Variants in CCL3 observed in about 807,000 individuals in gnomAD.
CCL3 encodes the protein C-C motif chemokine 3.
A neutral mutation model predicts 8.1 loss-of-function variants in CCL3; 6 were observed. That is an observed-to-expected ratio of 0.74 (90% CI 0.41 to 1.46). The LOEUF is 1.46. CCL3 is among the 40% of genes most tolerant of loss of function. The pLI is 0.02. For missense variants in CCL3, 109 were observed against 117.7 expected, an observed-to-expected ratio of 0.93 and a Z score of 0.34; for synonymous variants, 45 against 45.1, an observed-to-expected ratio of 1.00 and a Z score of 0.01.
rs1453258813 is a variant in CCL3, at chr17:36,089,283, G to T, written c.88C>A (p.Pro30Thr). ...GTGTAGCTGAAGCAGCAGGCGGTCGGCGTGTCAGCAGCAACTGTGGAGAAA... is the reference window on the plus strand; with the variant it reads ...GTGTAGCTGAAGCAGCAGGCGGTCGTCGTGTCAGCAGCAACTGTGGAGAAA... ...QFSASLAADT[P>T]TACCFSYTSR... The change falls in exon 2 of 3, where the codon CCG becomes ACG. Residue 30 changes from proline (P) to threonine (T), a missense_variant. Physicochemically the swap from Pro to Thr is conservative, Grantham distance 38. Transcript: ENST00000613922. 1 of 1,614,100 alleles carries T rather than the reference G, an allele frequency of 6.2e-7. No homozygotes were observed. Among genetic ancestry groups the T allele is most frequent in the Non-Finnish European group, 8.5e-7 (1 of 1,180,012 alleles).
Position 36,089,270 on chromosome 17 carries a change from C to G in CCL3, c.101G>C (p.Cys34Ser), listed in dbSNP as rs190805628. ...AATCTGCCGGGAGGTGTAGCTGAAG[C>G]AGCAGGCGGTCGGCGTGTCAGCAGC... ...SLAADTPTAC[C>S]FSYTSRQIPQ... The change falls in exon 2 of 3, where the codon TGC becomes TCC. Residue 34 changes from cysteine to serine, a missense_variant. By Grantham distance (112) the Cys-to-Ser change is moderately radical. Transcript: ENST00000613922. The G allele has an allele frequency of 6.2e-7, 1 of 1,614,048 alleles. No individual in the cohort carries two copies. Among genetic ancestry groups the G allele is most frequent in the East Asian group, 2.2e-5 (1 of 44,872 alleles).
Position 36,090,063 on chromosome 17 carries a change from C to A in CCL3, c.-5G>T. The A allele has an allele frequency of 1.2e-6, 2 of 1,612,948 alleles. No individual in the cohort carries two copies. Among genetic ancestry groups the A allele is most frequent in the South Asian group, 1.1e-5 (1 of 91,016 alleles). On this transcript the variant is annotated 5_prime_UTR_variant, in exon 1 of 3. Transcript: ENST00000613922. ...GGCAGCAGTGGAGACCTGCATGATTCTGAGCAGGTGACGGAATGTGGGCTC... is the reference window on the plus strand; with the variant it reads ...GGCAGCAGTGGAGACCTGCATGATTATGAGCAGGTGACGGAATGTGGGCTC...
At position 36,088,435 on chromosome 17, in the gene CCL3, A is replaced by C; in HGVS notation, c.*237T>G. 3.7e-6 allele frequency: 2 copies of C among 540,472 alleles called. No individual in the cohort carries two copies. Among genetic ancestry groups the C allele is most frequent in the African/African-American group, 1.9e-5 (1 of 52,502 alleles). The allele number at this position is 540,472 out of a possible 1,614,324, so 33.5% of individuals were successfully genotyped here. On this transcript the variant is annotated 3_prime_UTR_variant, in exon 3 of 3. Coordinates refer to ENST00000613922, the MANE Select transcript of CCL3 (RefSeq NM_002983.3). ...GAGGGAAGGGGGAGGGGACAGGGGA[A>C]CTCTCAGAGCAAACAATCACAAACA...
chr17:36,089,323 C>T (rs770664069), intron 1 of CCL3, 26 bp from the exon 2 acceptor site: 2 of 1,614,008 alleles, frequency 1.2e-6, no homozygotes, highest in Non-Finnish European at 1.7e-6. Flanking sequence ...GAGAATGAGC[C>T]CGAGTCACAG....
chr17:36,088,992 C>A (rs930383142), intron 2 of CCL3, among the ~76,000 whole-genome samples, 191 bp downstream of exon 2: 2 of 152,182 alleles, frequency 1.3e-5, no homozygotes, highest in Non-Finnish European at 2.9e-5. Flanking sequence ...TGGGCTGGGG[C>A]AGCCCTTCCT....
intron 1 of CCL3, 146 bp from the exon 2 acceptor site, chr17:36,089,443 C>T (rs78599004): frequency 1.2e-6 from 1 of 864,702 alleles, no homozygotes; most frequent in East Asian, 2.5e-5. Flanking sequence ...AGAAATGTCT[C>T]TTTGTTTCTG....
In CCL3 at chr17:36,088,631, G is replaced by A. The variant is rs1198087880; in HGVS notation, c.*41C>T. 3 of 1,608,284 alleles carry A rather than the reference G, an allele frequency of 1.9e-6. No individual in the cohort carries two copies. Among genetic ancestry groups the A allele is most frequent in the South Asian group, 1.1e-5 (1 of 90,950 alleles). On this transcript the variant is annotated 3_prime_UTR_variant, in exon 3 of 3. Coordinates refer to ENST00000613922, the MANE Select transcript of CCL3 (RefSeq NM_002983.3). ...GCTCAGGCTCCTGCTCCTCCCCACT[G>A]GGCCCACCGAGGTCGCTGGGCCTCG... is the stretch of plus-strand genomic sequence containing the variant.
At chr17:36,089,748 T>A in intron 1 of CCL3, 1 of 709,754 alleles carries the variant, frequency 1.4e-6, no homozygotes, top group Non-Finnish European at 2.6e-6. Flanking sequence ...CCTGTTTTTC[T>A]ATCTGTAAAA....
Position 36,089,985 on chromosome 17 carries a change from C to T in CCL3, c.73+1G>A, listed in dbSNP as rs769738459. 1.9e-5 allele frequency: 31 copies of T among 1,613,668 alleles called. No homozygotes were observed. The highest frequency in any genetic ancestry group is 2.2e-5 in the East Asian group (1 of 44,874). On this transcript the variant is annotated splice_donor_variant, in intron 1 of 2. Coordinates refer to ENST00000613922, the MANE Select transcript of CCL3 (RefSeq NM_002983.3). LOFTEE classifies it high-confidence loss of function. ...ATACCCACAACGAAACTCAGACTCACGTGATGCAGAGAACTGGTTGCAGAG... is the reference window on the plus strand; with the variant it reads ...ATACCCACAACGAAACTCAGACTCATGTGATGCAGAGAACTGGTTGCAGAG...
At position 36,090,115 on chromosome 17, in the gene CCL3, T is replaced by C. The variant is rs1598813698; in HGVS notation, c.-57A>G. 3.3e-6 allele frequency: 5 copies of C among 1,512,088 alleles called. No homozygotes were observed. In the East Asian group the frequency reaches 1.1e-4, roughly 35 times the overall value. 93.7% of individuals were successfully genotyped at this position (1,512,088 alleles called of 1,614,324 possible). A position where few individuals can be genotyped will look rare whatever the true frequency, so the allele number is the denominator to read the frequency against. The stretch of plus-strand genomic sequence containing the variant: ...AGTGTCAGCAGAGCCAAGAAAGGAC[T>C]GACCACTGTCTGCTGCCCGTGTCCT... On this transcript the variant is annotated 5_prime_UTR_variant, in exon 1 of 3. Transcript: ENST00000613922.
At chr17:36,089,883 G>C in intron 1 of CCL3, 103 bp downstream of exon 1, 1 of 1,116,302 alleles carries the variant, frequency 9.0e-7, no homozygotes, top group Admixed American at 1.9e-5. Context: ...AGCCCTTTAA[G>C]AAGTTCTCTT....
In CCL3 at chr17:36,088,461, C is replaced by T; in HGVS notation, c.*211G>A. The T allele has an allele frequency of 3.4e-6, 2 of 595,510 alleles. No homozygotes were observed. The highest frequency in any genetic ancestry group is 3.0e-6 in the Non-Finnish European group (1 of 334,406). 36.9% of individuals were successfully genotyped at this position (595,510 alleles called of 1,614,324 possible). On this transcript the variant is annotated 3_prime_UTR_variant, in exon 3 of 3. Transcript: ENST00000613922. ...CTCTCAGAGCAAACAATCACAAACA[C>T]ACTGTGAAATCGAAAATAAATTACA... is the stretch of plus-strand genomic sequence containing the variant.
At position 36,090,134 on chromosome 17, in the gene CCL3, G is replaced by A. The variant is rs41409645; in HGVS notation, c.-76C>T. ...AAGGACTGACCACTGTCTGCTGCCC[G>A]TGTCCTTCTGAAGTCTGAAACCAGC... On this transcript the variant is annotated 5_prime_UTR_variant, in exon 1 of 3. It adds an upstream start codon to the 5' untranslated region. Coordinates refer to ENST00000613922, the MANE Select transcript of CCL3 (RefSeq NM_002983.3). 9.2e-4 allele frequency: 1,276 copies of A among 1,388,082 alleles called. 6 individuals carry two copies. In the African/African-American group the frequency reaches 0.015, roughly 17 times the overall value. The allele number at this position is 1,388,082 out of a possible 1,614,324, so 86.0% of individuals were successfully genotyped here.
chr17:36,089,659 G>A (rs528362017), intron 1 of CCL3: 1 of 655,490 alleles, frequency 1.5e-6, no homozygotes, highest in African/African-American at 1.8e-5. Context: ...CCTAGAGTGA[G>A]CTGGAGAGTG....
In CCL3 at chr17:36,088,803, G is replaced by C. The variant is rs778166572; in HGVS notation, c.189-41C>G. 25 of 1,610,720 alleles carry C rather than the reference G, an allele frequency of 1.6e-5. No individual in the cohort carries two copies. In the African/African-American group the frequency reaches 2.7e-4, roughly 17 times the overall value. ...GAAGAGTTAAGCACTGGGGAATCCA[G>C]CAGGGGAATCCTGGGCCCACCATGG... On this transcript the variant is annotated intron_variant, in intron 2 of 2. Transcript: ENST00000613922.
chr17:36,089,446 T>A, intron 1 of CCL3, 149 bp from the exon 2 acceptor site: 1 of 817,242 alleles, frequency 1.2e-6, no homozygotes, highest in Non-Finnish European at 2.0e-6. Context: ...AATGTCTCTT[T>A]GTTTCTGTCT....
At chr17:36,089,337 A>T (rs2067021193) in intron 1 of CCL3, 40 bp from the exon 2 acceptor site, 1 of 1,613,066 alleles carries the variant, frequency 6.2e-7, no homozygotes, top group Admixed American at 1.7e-5. Context: ...GTCACAGCTC[A>T]GAAGAAAAGG....
intron 1 of CCL3, chr17:36,089,691 G>T: frequency 1.5e-6 from 1 of 672,184 alleles, no homozygotes; most frequent in South Asian, 1.5e-5. Context: ...CCACTGGGAA[G>T]TAAGCAGCCC....
At chr17:36,089,714 C>T in intron 1 of CCL3, 1 of 687,146 alleles carries the variant, frequency 1.5e-6, no homozygotes, top group South Asian at 1.5e-5. Flanking sequence ...GATTCTGCCT[C>T]TTGCTAACTG....
Sources: gnomAD v4.1 joint callset for allele counts (sites outside exome capture counted in the v4.1 genomes callset) on GRCh38, gnomAD v4.1.1 for gene constraint, MANE v1.5 for transcripts, NCBI Gene and HGNC (gene_info 2026-07-23, HGNC 2026-07-21) for gene names.